The following LGALS8 variants were observed in gnomAD, a reference collection of about 807,000 sequenced individuals.
The protein encoded by LGALS8 is galectin 8.
Under a neutral mutation model 35.9 loss-of-function variants are expected in LGALS8, and 30 were observed. That is an observed-to-expected ratio of 0.83 (90% CI 0.62 to 1.13). LGALS8 has a LOEUF of 1.13. LGALS8 is among the 50% of genes most tolerant of loss of function. The pLI is 0.00. For synonymous variants in LGALS8, 138 were observed against 136.1 expected (o/e 1.01, Z -0.10); for missense variants, 366 against 388.7 (o/e 0.94, Z 0.49).
intron 2 of LGALS8, among the ~76,000 whole-genome samples, chr1:236,535,844 C>T (rs1232371621): frequency 2.0e-5 from 3 of 152,236 alleles, no homozygotes; most frequent in African/African-American, 7.2e-5. Flanking sequence ...GCTCAGCTTG[C>T]GGTTCAGCAG....
intron 2 of LGALS8, among the ~76,000 whole-genome samples, chr1:236,529,999 G>C (rs912468088): frequency 6.6e-6 from 1 of 152,168 alleles, no homozygotes; most frequent in African/African-American, 2.4e-5. Flanking sequence ...TTGGAAGACA[G>C]TATCTTTACT....
At chr1:236,543,746 G>A (rs1189373554) in intron 8 of LGALS8, 98 bp downstream of exon 8, 24 of 799,378 alleles carry the variant, frequency 3.0e-5, no homozygotes, top group East Asian at 1.6e-4. Context: ...AAGGGCTAGC[G>A]TCAGAATCTT....
rs745644895 is a variant in LGALS8 at position 236,548,048 on chromosome 1, G to A, written c.841G>A (p.Ala281Thr). The change falls in exon 10 of 10, where the codon GCA (alanine) becomes ACA (threonine). Residue 281 changes from alanine (A) to threonine (T), a missense_variant. Ala to Thr is a moderately conservative substitution (Grantham distance 58). Transcript: ENST00000366584. Reference sequence around the variant, plus strand: ...TTGTGATGTTAGAGAATTCAAGGTTGCAGTAAATGGCGTACACAGCCTGGA... The same window carrying A: ...TTGTGATGTTAGAGAATTCAAGGTTACAGTAAATGGCGTACACAGCCTGGA... Reference protein sequence around the residue: ...IYCDVREFKVAVNGVHSLEYK... With the variant: ...IYCDVREFKVTVNGVHSLEYK... 1.2e-6 allele frequency: 2 copies of A among 1,611,946 alleles called. No individual in the cohort carries two copies. The highest frequency in any genetic ancestry group is 1.3e-5 in the African/African-American group (1 of 74,902).
chr1:236,540,402 T>G lies in LGALS8; in HGVS notation c.346-162T>G, dbSNP rs1044226274. Reference sequence around the variant, plus strand: ...AAAAGAAGTTTGGAAGCACTGCTAGTGTTTTGGGTGCTTTCGGTTACCATT... The same window carrying G: ...AAAAGAAGTTTGGAAGCACTGCTAGGGTTTTGGGTGCTTTCGGTTACCATT... On this transcript the variant is annotated intron_variant, in intron 4 of 9. Transcript: ENST00000366584. 8 of 647,512 alleles carry G rather than the reference T, an allele frequency of 1.2e-5. No individual in the cohort carries two copies. The East Asian group carries it at 2.5e-4, about 20-fold the overall frequency. 40.1% of individuals were successfully genotyped at this position (647,512 alleles called of 1,614,324 possible). A position where few individuals can be genotyped will look rare whatever the true frequency, so the allele number is the denominator to read the frequency against.
Position 236,539,095 on chromosome 1 carries a change from T to A in LGALS8, c.345+6T>A, listed in dbSNP as rs1224142020. The A allele has an allele frequency of 3.1e-6, 5 of 1,612,084 alleles. No individual in the cohort carries two copies. The highest frequency in any genetic ancestry group is 4.2e-6 in the Non-Finnish European group (5 of 1,178,806). Reference sequence around the variant, plus strand: ...TGCTGAAGGACAAATTCCAGGTAGGTTTTGGAGAGGGACAGGTTGAGTCCT... The same window carrying A: ...TGCTGAAGGACAAATTCCAGGTAGGATTTGGAGAGGGACAGGTTGAGTCCT... On this transcript the variant is annotated splice_donor_region_variant and intron_variant, in intron 4 of 9. Transcript: ENST00000366584.
Position 236,540,629 on chromosome 1 carries a change from T to A in LGALS8, c.411T>A (p.Thr137=), listed in dbSNP as rs1324879581. ...GGATCGGCCCAGAGAAAATAGACAC[T>A]CTGGGCATTTATGGCAAAGTGAATA... ...GHRIGPEKID[T]LGIYGKVNIH... Residue 137 remains threonine, a synonymous_variant, in exon 5 of 10, where the codon ACT becomes ACA. Transcript: ENST00000366584. 3.7e-6 allele frequency: 6 copies of A among 1,611,534 alleles called. No homozygotes were observed. The African/African-American group carries it at 6.7e-5, about 18-fold the overall frequency.
intron 1 of LGALS8, among the ~76,000 whole-genome samples, chr1:236,525,144 C>T (rs1660743636): frequency 6.6e-6 from 1 of 152,112 alleles, no homozygotes; most frequent in African/African-American, 2.4e-5. Context: ...ACAGAGAAAA[C>T]CGTATCTTAA....
At chr1:236,530,483 CTCTT>C (rs1376630456) in intron 2 of LGALS8, among the ~76,000 whole-genome samples, 4 of 152,072 alleles carry the variant, frequency 2.6e-5, no homozygotes, top group African/African-American at 9.7e-5. Context: ...TCTTTAATGT[CTCTT>C]TCTTTTATGT....
chr1:236,524,164 C>T, intron 1 of LGALS8, 103 bp downstream of exon 1: 1 of 456,692 alleles, frequency 2.2e-6, no homozygotes, highest in Non-Finnish European at 4.4e-6. Context: ...TGTCACGGCT[C>T]CTAAATCACC....
chr1:236,548,812 C>T lies in LGALS8; in HGVS notation c.*651C>T. The T allele has an allele frequency of 2.5e-6, 1 of 397,256 alleles. No homozygotes were observed. The highest frequency in any genetic ancestry group is 4.4e-6 in the Non-Finnish European group (1 of 225,522). The allele number at this position is 397,256 out of a possible 1,614,324, so 24.6% of individuals were successfully genotyped here. ...AATAAACATGTGGCTCTATTAGCTGCAAGCTTTACCAAGTAATTGGCATGA... is the reference window on the plus strand; with the variant it reads ...AATAAACATGTGGCTCTATTAGCTGTAAGCTTTACCAAGTAATTGGCATGA... On this transcript the variant is annotated 3_prime_UTR_variant, in exon 10 of 10. Transcript: ENST00000366584.
chr1:236,524,609 A>G (rs1660710341), intron 1 of LGALS8: 2 of 359,924 alleles, frequency 5.6e-6, no homozygotes, highest in Non-Finnish European at 1.1e-5. Context: ...GTGAAACTTA[A>G]GTGATGGCTG....
chr1:236,537,720 G>A (rs1661638110), intron 3 of LGALS8, 135 bp downstream of exon 3: 1 of 693,802 alleles, frequency 1.4e-6, no homozygotes, highest in Non-Finnish European at 2.6e-6. Flanking sequence ...CCCTGGCCAA[G>A]GTGCTGAGGA....
Position 236,526,998 on chromosome 1 carries a change from T to A in LGALS8, c.45+883T>A, listed in dbSNP as rs913515212. On this transcript the variant is annotated intron_variant, in intron 2 of 9. Transcript: ENST00000366584. This position sits in a 1 kb window ranked among gnomAD's most constrained non-coding sequence, Gnocchi z 4.6. Reference sequence around the variant, plus strand: ...AGTTTTAGGAGAAATAGCCTTTCAGTGGTAGTAAGTTTAAAAAAGATGACT... The same window carrying A: ...AGTTTTAGGAGAAATAGCCTTTCAGAGGTAGTAAGTTTAAAAAAGATGACT... Among the ~76,000 whole-genome samples, 1 of 152,194 alleles carries A rather than the reference T, an allele frequency of 6.6e-6. No individual in the cohort carries two copies. Among genetic ancestry groups the A allele is most frequent in the Non-Finnish European group, 1.5e-5 (1 of 68,038 alleles).
intron 2 of LGALS8, among the ~76,000 whole-genome samples, chr1:236,528,042 G>A (rs993171531): frequency 1.3e-5 from 2 of 150,452 alleles, no homozygotes; most frequent in Non-Finnish European, 3.0e-5. Context: ...GGCCAACTTA[G>A]TTATTTAAAG....
At chr1:236,532,994 T>C (rs1661235187) in intron 2 of LGALS8, among the ~76,000 whole-genome samples, 1 of 152,232 alleles carries the variant, frequency 6.6e-6, no homozygotes, top group Non-Finnish European at 1.5e-5. Flanking sequence ...AATGTGTCCT[T>C]ATCGTTTCAC....
chr1:236,542,073 C>G (rs143726638), intron 6 of LGALS8, among the ~76,000 whole-genome samples: 1 of 152,178 alleles, frequency 6.6e-6, no homozygotes, highest in African/African-American at 2.4e-5. Context: ...TAAAAATGCG[C>G]TGTTATTAAT....
chr1:236,544,528 A>AG (rs4006547), intron 8 of LGALS8, among the ~76,000 whole-genome samples: 78,352 of 149,370 alleles, frequency 0.52, 22,071 homozygotes, highest in Non-Finnish European at 0.64. Context: ...CTGATTTTAA[A>AG]GGGTTTTTTT....
rs1660794346 is a variant in LGALS8 at position 236,525,977 on chromosome 1, C to T, written c.-94C>T. 1 of 908,640 alleles carries T rather than the reference C, an allele frequency of 1.1e-6. No individual in the cohort carries two copies. The highest frequency in any genetic ancestry group is 1.8e-6 in the Non-Finnish European group (1 of 561,120). The allele number at this position is 908,640 out of a possible 1,614,324, so 56.3% of individuals were successfully genotyped here. ...TTTTTACTTTACACAGGGCCAGTGC[C>T]TCAGTTTCAATCCAGGTAACCTTTA... On this transcript the variant is annotated 5_prime_UTR_variant, in exon 2 of 10. Transcript: ENST00000366584.
intron 2 of LGALS8, among the ~76,000 whole-genome samples, chr1:236,529,393 C>T (rs890975024): frequency 6.6e-6 from 1 of 151,976 alleles, no homozygotes; most frequent in African/African-American, 2.4e-5. Flanking sequence ...ACCAGCCTGA[C>T]TAACACAGTG....
Sources: gnomAD v4.1 joint callset for allele counts (sites outside exome capture counted in the v4.1 genomes callset) on GRCh38, gnomAD v4.1.1 for gene constraint, Gnocchi (gnomAD v3.1) non-coding constraint, MANE v1.5 for transcripts, NCBI Gene and HGNC (gene_info 2026-07-23, HGNC 2026-07-21) for gene names.